FBXO36: variants seen among roughly 807,000 people sequenced by gnomAD.
FBXO36 encodes the protein F-box only protein 36.
A neutral mutation model predicts 17.0 loss-of-function variants in FBXO36; 18 were observed. The observed-to-expected ratio is 1.06, with a 90% confidence interval of 0.73 to 1.57. The LOEUF is 1.57. Ranked by LOEUF, FBXO36 falls within the 40% of genes most tolerant of loss-of-function variation. The probability of loss-of-function intolerance (pLI) is 0.00; values close to 1 mark genes in which losing one functional copy is unlikely to be tolerated. For missense variants in FBXO36, 229 were observed against 221.9 expected, an observed-to-expected ratio of 1.03 and a Z score of -0.20; for synonymous variants, 83 against 85.3, an observed-to-expected ratio of 0.97 and a Z score of 0.15.
At chr2:229,944,488 C>G (rs145775803) in intron 1 of FBXO36, among the ~76,000 whole-genome samples, 4 of 151,682 alleles carry the variant, frequency 2.6e-5, no homozygotes, top group African/African-American at 9.7e-5. Context: ...GCAAAAAATT[C>G]TTTTATTAGT....
At chr2:229,995,000 G>A (rs2077317518) in intron 2 of FBXO36, among the ~76,000 whole-genome samples, 1 of 152,100 alleles carries the variant, frequency 6.6e-6, no homozygotes, top group South Asian at 2.1e-4. Context: ...TGTAATCCCA[G>A]CTACTCAGGA....
At chr2:230,003,537 CT>C (rs11307090) in intron 3 of FBXO36, among the ~76,000 whole-genome samples, 100,447 of 145,776 alleles carry the variant, frequency 0.69, 34,976 homozygotes, top group East Asian at 0.8. Flanking sequence ...TGTTCTTCTT[CT>C]TTTTTTTTTT....
At chr2:229,979,363 T>C (rs1426017037) in intron 2 of FBXO36, among the ~76,000 whole-genome samples, 2 of 151,824 alleles carry the variant, frequency 1.3e-5, no homozygotes, top group Non-Finnish European at 2.9e-5. Flanking sequence ...TATATATATA[T>C]ATGTATGTGA....
chr2:229,998,656 T>A (rs2077340651), intron 3 of FBXO36, among the ~76,000 whole-genome samples: 1 of 150,818 alleles, frequency 6.6e-6, no homozygotes, highest in African/African-American at 2.4e-5. Context: ...CTGAGTGTCA[T>A]GGCATGCCCC....
At chr2:229,972,416 G>T (rs1577348740) in intron 1 of FBXO36, among the ~76,000 whole-genome samples, 1 of 152,112 alleles carries the variant, frequency 6.6e-6, no homozygotes, top group South Asian at 2.1e-4. Context: ...TCTCGATGAA[G>T]TATAGCTATG....
intron 1 of FBXO36, among the ~76,000 whole-genome samples, chr2:229,961,447 C>T (rs2077120465): frequency 6.6e-6 from 1 of 152,096 alleles, no homozygotes; most frequent in Admixed American, 6.6e-5. Flanking sequence ...GCGATCTCGG[C>T]TCACTGCAAC....
At chr2:229,963,536 G>A (rs1316884474) in intron 1 of FBXO36, among the ~76,000 whole-genome samples, 1 of 148,542 alleles carries the variant, frequency 6.7e-6, no homozygotes, top group South Asian at 2.1e-4. Flanking sequence ...GCTCCGCCTC[G>A]TGGGTTCACA....
intron 2 of FBXO36, among the ~76,000 whole-genome samples, chr2:229,982,263 C>T (rs2077244336): frequency 1.3e-5 from 2 of 151,934 alleles, no homozygotes; most frequent in Non-Finnish European, 2.9e-5. Context: ...TGAGCTCAAG[C>T]AATCTGCCTG....
chr2:229,998,305 C>T (rs917761839), intron 3 of FBXO36, among the ~76,000 whole-genome samples: 1 of 152,008 alleles, frequency 6.6e-6, no homozygotes, highest in African/African-American at 2.4e-5. Context: ...GATTCCATCT[C>T]CACAGTACAT....
chr2:229,989,649 C>G (rs1214306752), intron 2 of FBXO36, among the ~76,000 whole-genome samples: 1 of 151,974 alleles, frequency 6.6e-6, no homozygotes, highest in Non-Finnish European at 1.5e-5. Context: ...GCAACCTCTG[C>G]CTCCCAGGTT....
At chr2:229,924,552 T>C (rs571425822) in intron 1 of FBXO36, among the ~76,000 whole-genome samples, 6 of 152,328 alleles carry the variant, frequency 3.9e-5, no homozygotes, top group African/African-American at 1.4e-4. Flanking sequence ...TTTTTTTGCA[T>C]TTTCTTTCCC....
intron 3 of FBXO36, among the ~76,000 whole-genome samples, chr2:230,005,478 C>T (rs1213367562): frequency 6.6e-6 from 1 of 152,044 alleles, no homozygotes; most frequent in Non-Finnish European, 1.5e-5. Flanking sequence ...ATACAATTTG[C>T]ATTGCATGTT....
intron 3 of FBXO36, among the ~76,000 whole-genome samples, chr2:229,997,216 G>T (rs925747825): frequency 1.1e-4 from 17 of 152,008 alleles, no homozygotes; most frequent in South Asian, 6.2e-4. Context: ...ACAAAAGCAG[G>T]TTACTTTATC....
chr2:229,996,855 A>C lies in FBXO36; in HGVS notation c.310A>C (p.Thr104Pro). 2 of 1,614,120 alleles carry C rather than the reference A, an allele frequency of 1.2e-6. No homozygotes were observed. Among genetic ancestry groups the C allele is most frequent in the South Asian group, 1.1e-5 (1 of 91,066 alleles). ...ACGGCTCTCAGACGATTTGCTCCTG[A>C]CTATCATTTCTTATCTGGATCTTGA... is the stretch of plus-strand genomic sequence containing the variant. ...LERLSDDLLL[T>P]IISYLDLEDI... is the part of the protein sequence containing the mutation. The change falls in exon 3 of 4, where the codon ACT becomes CCT. Residue 104 changes from threonine (T) to proline (P), a missense_variant. By Grantham distance (38) the Thr-to-Pro change is conservative. Transcript: ENST00000283946.
chr2:229,949,538 T>TACACACACACACAC lies in FBXO36; in HGVS notation c.97-26689_97-26676dup, dbSNP rs56048655. On this transcript the variant is annotated intron_variant, in intron 1 of 3. Coordinates refer to ENST00000283946, the MANE Select transcript of FBXO36 (RefSeq NM_174899.5). Reference sequence around the variant, plus strand: ...AATTATCCCATTCATGTAAAATGTATACACACACACACACACACACACACA... The same window carrying TACACACACACACAC: ...AATTATCCCATTCATGTAAAATGTATACACACACACACACACACACACACACACACACACACACA... Among the ~76,000 whole-genome samples the TACACACACACACAC allele has an allele frequency of 2.0e-4, 30 of 149,528 alleles. 1 individual carries two copies. The highest frequency in any genetic ancestry group is 6.6e-4 in the African/African-American group (27 of 40,694).
intron 1 of FBXO36, among the ~76,000 whole-genome samples, chr2:229,930,067 T>C (rs2076931605): frequency 1.3e-5 from 2 of 151,810 alleles, no homozygotes; most frequent in South Asian, 4.2e-4. Flanking sequence ...CTAAAAATTA[T>C]CCAGGCGTGG....
chr2:230,010,645 T>C (rs1226541827), intron 3 of FBXO36, 51 bp from the exon 4 acceptor site: 2 of 1,502,270 alleles, frequency 1.3e-6, no homozygotes, highest in Non-Finnish European at 1.8e-6. Flanking sequence ...AGTTTGATAA[T>C]GAGTTAACAC....
chr2:229,997,009 A>G (rs2077331146), intron 3 of FBXO36, 86 bp downstream of exon 3: 1 of 1,277,418 alleles, frequency 7.8e-7, no homozygotes, highest in African/African-American at 1.5e-5. Context: ...TTTGTTGAGT[A>G]CTAACTTTGT....
intron 2 of FBXO36, among the ~76,000 whole-genome samples, chr2:229,986,138 T>A (rs1210533282): frequency 1.3e-5 from 2 of 152,142 alleles, no homozygotes; most frequent in Non-Finnish European, 2.9e-5. Flanking sequence ...AGGACAACCA[T>A]CATTAGGAGT....
Sources: allele counts gnomAD v4.1 joint callset (sites outside exome capture counted in the v4.1 genomes callset), GRCh38; gene constraint gnomAD v4.1.1; transcripts MANE v1.5; gene names NCBI Gene and HGNC (gene_info 2026-07-23, HGNC 2026-07-21).